GRAMD4: variants seen among roughly 807,000 people sequenced by gnomAD.
GRAMD4 encodes the protein GRAM domain containing 4, also known as GRAM domain-containing protein 4.
Under a neutral mutation model 83.9 loss-of-function variants are expected in GRAMD4, and 25 were observed. The observed-to-expected ratio is 0.30, with a 90% confidence interval of 0.22 to 0.42. The LOEUF (loss-of-function observed/expected upper bound fraction) is 0.42, where lower values mean the gene tolerates loss of function less well. GRAMD4 is among the 10% of genes least tolerant of loss of function. The pLI, the probability that GRAMD4 is intolerant of heterozygous loss-of-function variation, is 1.00. For synonymous variants in GRAMD4, 336 were observed against 320.9 expected (o/e 1.05, Z -0.50); for missense variants, 593 against 788.7 (o/e 0.75, Z 2.97).
chr22:46,681,419 C>T (rs1327231682), downstream of GRAMD4, among the ~76,000 whole-genome samples: 1 of 152,260 alleles, frequency 6.6e-6, no homozygotes, highest in Non-Finnish European at 1.5e-5. Context: ...ATTGTGATAA[C>T]TATTTCAGTG....
At chr22:46,638,024 G>T (rs1261989150) in intron 3 of GRAMD4, 64 bp downstream of exon 3, 1 of 1,555,856 alleles carries the variant, frequency 6.4e-7, no homozygotes, top group Non-Finnish European at 8.8e-7. Context: ...TGAGATGGGG[G>T]ATGTCGTCTT....
In GRAMD4 at chr22:46,620,964, T is replaced by C. The variant is rs918838653; in HGVS notation, c.-50+399T>C. 2.0e-5 allele frequency among the ~76,000 whole-genome samples: 3 copies of C among 149,316 alleles called. No homozygotes were observed. Among genetic ancestry groups the C allele is most frequent in the South Asian group, 4.4e-4 (2 of 4,556 alleles). On this transcript the variant is annotated intron_variant, in intron 1 of 18. Transcript: ENST00000406902. The surrounding 1 kb of genome is among the most constrained non-coding windows in gnomAD (Gnocchi z 4.7). ...TCTGAGAGGGCCGCATGGCTCGGAG[T>C]TGCAGGGGCCCTGGGCTGCCAGGGG...
intron 10 of GRAMD4, among the ~76,000 whole-genome samples, chr22:46,667,357 A>G (rs1342105988): frequency 1.3e-5 from 2 of 152,190 alleles, no homozygotes; most frequent in African/African-American, 2.4e-5. Flanking sequence ...CAGAACAACG[A>G]CAACAAAAAA....
chr22:46,647,839 A>G (rs577236416), intron 3 of GRAMD4, among the ~76,000 whole-genome samples: 2 of 152,340 alleles, frequency 1.3e-5, no homozygotes, highest in Admixed American at 6.5e-5. Context: ...ATGAGGCTAC[A>G]TGGCAGAGAT....
At chr22:46,585,356 A>T (rs2081139267) in intron 1 of GRAMD4, among the ~76,000 whole-genome samples, 1 of 151,900 alleles carries the variant, frequency 6.6e-6, no homozygotes, top group South Asian at 2.1e-4. Context: ...ACGCCCAGCT[A>T]ATTTTGTATT....
chr22:46,636,964 C>G (rs2081898048), intron 2 of GRAMD4, among the ~76,000 whole-genome samples: 3 of 152,194 alleles, frequency 2.0e-5, no homozygotes, highest in Non-Finnish European at 1.5e-5. Context: ...TGCTGTGGCT[C>G]ACTGGGGCTG....
intron 3 of GRAMD4, among the ~76,000 whole-genome samples, chr22:46,651,519 C>T (rs575770560): frequency 5.3e-5 from 8 of 152,360 alleles, no homozygotes; most frequent in South Asian, 2.1e-4. Flanking sequence ...TGATATCACA[C>T]GCATCCTGGT....
intron 17 of GRAMD4, 47 bp from the exon 18 acceptor site, chr22:46,676,553 C>G: frequency 1.3e-6 from 2 of 1,519,550 alleles, no homozygotes; most frequent in Non-Finnish European, 1.8e-6. Context: ...CTGTGCCTCC[C>G]TGTCCCCAGG....
intron 1 of GRAMD4, among the ~76,000 whole-genome samples, chr22:46,578,506 C>T (rs767040645): frequency 1.3e-5 from 2 of 152,142 alleles, no homozygotes; most frequent in Non-Finnish European, 2.9e-5. Flanking sequence ...AGGCTGGGCT[C>T]GCCCTGGGTT....
chr22:46,661,474 C>T (rs749041475), intron 5 of GRAMD4, 32 bp downstream of exon 5: 32 of 829,982 alleles, frequency 3.9e-5, no homozygotes, highest in Non-Finnish European at 4.6e-5. Context: ...GACAGGCAGG[C>T]GGGCGGGTGG....
chr22:46,655,250 G>A (rs369265678), intron 3 of GRAMD4, among the ~76,000 whole-genome samples: 2 of 152,156 alleles, frequency 1.3e-5, no homozygotes, highest in East Asian at 3.9e-4. Flanking sequence ...GGGGTGGTGT[G>A]GAGGGTGCTG....
At chr22:46,676,805 C>T (rs190340315) in intron 18 of GRAMD4, 137 bp downstream of exon 18, 69 of 794,408 alleles carry the variant, frequency 8.7e-5, no homozygotes, top group South Asian at 1.4e-4. Context: ...CCCCCTCCCT[C>T]GCAGCAGCTA....
chr22:46,664,247 C>A, intron 8 of GRAMD4, 130 bp downstream of exon 8: 1 of 700,082 alleles, frequency 1.4e-6, no homozygotes, highest in South Asian at 1.6e-5. Flanking sequence ...CAGGGACATG[C>A]TCATTTCTCC....
At chr22:46,657,607 T>G (rs1266454842) in intron 3 of GRAMD4, among the ~76,000 whole-genome samples, 1 of 152,178 alleles carries the variant, frequency 6.6e-6, no homozygotes, top group Non-Finnish European at 1.5e-5. Context: ...CTCGCTGTGT[T>G]CCCTCCAGGC....
At position 46,651,039 on chromosome 22, in the gene GRAMD4, T is replaced by G. The variant is rs183240135; in HGVS notation, c.284-7148T>G. The stretch of plus-strand genomic sequence containing the variant: ...TGGGGGCAGGCCCTGGCCCATCGGG[T>G]GGCCATCCTGGTTTCCCTGTGTGCC... On this transcript the variant is annotated intron_variant, in intron 3 of 18. Transcript: ENST00000406902. 5.3e-5 allele frequency among the ~76,000 whole-genome samples: 8 copies of G among 152,262 alleles called. No individual in the cohort carries two copies. The East Asian group carries it at 1.4e-3, about 26-fold the overall frequency.
At chr22:46,649,353 G>A (rs986006003) in intron 3 of GRAMD4, among the ~76,000 whole-genome samples, 1 of 152,196 alleles carries the variant, frequency 6.6e-6, no homozygotes, top group Non-Finnish European at 1.5e-5. Context: ...GGGATGGCAC[G>A]TGCTGTCGAG....
chr22:46,603,278 G>T (rs573755376), intron 1 of GRAMD4, among the ~76,000 whole-genome samples: 1 of 138,608 alleles, frequency 7.2e-6, no homozygotes, highest in Admixed American at 7.8e-5. Context: ...CATGACCTCG[G>T]CTCACTGCAA....
intron 2 of GRAMD4, among the ~76,000 whole-genome samples, chr22:46,629,946 G>T (rs1178475720): frequency 6.6e-6 from 1 of 152,150 alleles, no homozygotes; most frequent in Non-Finnish European, 1.5e-5. Context: ...GTTCATCCAT[G>T]CTGCGGTGTG....
chr22:46,581,824 G>A lies in GRAMD4; in HGVS notation c.-50+4534G>A, dbSNP rs540879310. 2.6e-5 allele frequency among the ~76,000 whole-genome samples: 4 copies of A among 152,340 alleles called. No individual in the cohort carries two copies. The East Asian group carries it at 5.8e-4, about 22-fold the overall frequency. ...TATGCACGGGGGTTGGGCGGAGAGC[G>A]TGCTTGATCTTGCTGCTGTGTGTTC... On this transcript the variant is annotated intron_variant, in intron 1 of 1. Coordinates refer to the GRAMD4 transcript ENST00000431155.
Sources: allele counts gnomAD v4.1 joint callset (sites outside exome capture counted in the v4.1 genomes callset), GRCh38; gene constraint gnomAD v4.1.1; non-coding constraint Gnocchi (gnomAD v3.1); transcripts MANE v1.5; gene names NCBI Gene and HGNC (gene_info 2026-07-23, HGNC 2026-07-21).